Variants in YIF1B observed in about 807,000 individuals in gnomAD.
The protein encoded by YIF1B is protein YIF1B.
Under a neutral mutation model 34.6 loss-of-function variants are expected in YIF1B, and 24 were observed. That is an observed-to-expected ratio of 0.69 (90% CI 0.50 to 0.98). The LOEUF (loss-of-function observed/expected upper bound fraction) is 0.98, where lower values mean the gene tolerates loss of function less well. Ranked by LOEUF, YIF1B falls within the 50% of genes least tolerant of loss-of-function variation. The pLI, the probability that YIF1B is intolerant of heterozygous loss-of-function variation, is 0.00. For synonymous variants in YIF1B, 186 were observed against 184.8 expected (o/e 1.01, Z -0.05); for missense variants, 368 against 429.4 (o/e 0.86, Z 1.26).
At chr19:38,310,673 C>T (rs552547819) in intron 1 of YIF1B, among the ~76,000 whole-genome samples, 1 of 152,160 alleles carries the variant, frequency 6.6e-6, no homozygotes, top group Non-Finnish European at 1.5e-5. Flanking sequence ...TATGCTCCCC[C>T]TCAATGACTT....
chr19:38,306,740 T>C, intron 7 of YIF1B: 1 of 277,266 alleles, frequency 3.6e-6, no homozygotes, highest in Non-Finnish European at 7.1e-6. Context: ...GGAGCGCAGG[T>C]GTGCGATCTC....
At chr19:38,317,024 C>T (rs1969574474), upstream of YIF1B, 1 of 152,226 alleles carries the variant, frequency 6.6e-6, no homozygotes, top group African/African-American at 2.4e-5. Context: ...AACCAGGTGT[C>T]TCTCTTGGAA....
At position 38,303,579 on chromosome 19, in the gene YIF1B, CT is replaced by C. The variant is rs1968856603; in HGVS notation, c.*1772del. The stretch of plus-strand genomic sequence containing the variant: ...ACCATGACTGGCCTAAAACACCTAC[CT>C]TTTATTTTTTAAAAAACCAACACAT... On this transcript the variant is annotated 3_prime_UTR_variant, in exon 8 of 8. Transcript: ENST00000339413. 6.6e-6 allele frequency among the ~76,000 whole-genome samples: 1 copy of C among 152,136 alleles called. No homozygotes were observed. The highest frequency in any genetic ancestry group is 2.4e-5 in the African/African-American group (1 of 41,448).
chr19:38,307,217 C>T (rs1969089986), intron 7 of YIF1B: 3 of 591,478 alleles, frequency 5.1e-6, no homozygotes, highest in Non-Finnish European at 9.3e-6. Flanking sequence ...CAGCCTCTAG[C>T]AGCCTGGCTG....
In YIF1B at chr19:38,315,842, C is replaced by T; in HGVS notation, c.58+18G>A. ...CGCCACGCCCCCGCCCGCCCGATCT[C>T]CTCCGCCGGCCACGTACGCCACTTA... is the stretch of plus-strand genomic sequence containing the variant. On this transcript the variant is annotated intron_variant, in intron 1 of 7. Transcript: ENST00000339413. 2 of 1,505,542 alleles carry T rather than the reference C, an allele frequency of 1.3e-6. No individual in the cohort carries two copies. Among genetic ancestry groups the T allele is most frequent in the South Asian group, 1.2e-5 (1 of 80,518 alleles). 93.3% of individuals were successfully genotyped at this position (1,505,542 alleles called of 1,614,324 possible).
chr19:38,306,690 A>AT (rs961978206), intron 7 of YIF1B: 170 of 234,398 alleles, frequency 7.3e-4, no homozygotes, highest in South Asian at 1.5e-3. Flanking sequence ...TTTTATTTTT[A>AT]TTTTTTTTTG....
Position 38,305,293 on chromosome 19 carries a change from T to A in YIF1B, c.*59A>T, listed in dbSNP as rs1379081165. 6.4e-7 allele frequency: 1 copy of A among 1,564,348 alleles called. No individual in the cohort carries two copies. Among genetic ancestry groups the A allele is most frequent in the African/African-American group, 1.3e-5 (1 of 74,286 alleles). On this transcript the variant is annotated 3_prime_UTR_variant, in exon 8 of 8. Transcript: ENST00000339413. ...TGGGGCCTGCAGGCAGGAGATGAGT[T>A]CGGCGGCCACAGTGGCCCCCAGCAG... is the stretch of plus-strand genomic sequence containing the variant.
At chr19:38,319,709 G>A, upstream of YIF1B, 1 of 476,168 alleles carries the variant, frequency 2.1e-6, no homozygotes, top group Non-Finnish European at 3.7e-6. Context: ...GGTCTGCTGG[G>A]TCTGGGAGCA....
At chr19:38,308,950 G>A (rs2146302725) in intron 4 of YIF1B, 29 bp downstream of exon 4, 1 of 1,611,930 alleles carries the variant, frequency 6.2e-7, no homozygotes, top group Middle Eastern at 1.7e-4. Flanking sequence ...GAAGAGAGAG[G>A]AGGGTGCAGG....
chr19:38,306,077 C>G (rs1161230004), intron 7 of YIF1B, among the ~76,000 whole-genome samples: 1 of 151,886 alleles, frequency 6.6e-6, no homozygotes, highest in African/African-American at 2.4e-5. Flanking sequence ...TGGTGAGTGC[C>G]TGTAGTCCCT....
chr19:38,320,392 C>A, upstream of YIF1B: 1 of 1,113,120 alleles, frequency 9.0e-7, no homozygotes, highest in Non-Finnish European at 1.2e-6. Flanking sequence ...GGCTTCGGAT[C>A]CCCCGAAAAG....
rs781321062 is a variant in YIF1B at position 38,305,483 on chromosome 19, A to G, written c.814T>C (p.Leu272=). The G allele has an allele frequency of 6.2e-7, 1 of 1,606,314 alleles. No homozygotes were observed. The highest frequency in any genetic ancestry group is 8.5e-7 in the Non-Finnish European group (1 of 1,174,880). ...FMIRTLRLKI[L]ADAAAEGVPV... ...ACCCCCTCAGCTGCTGCGTCTGCCA[A>G]GATCTTCAGCCGCAGCGTCCGGATC... is the stretch of plus-strand genomic sequence containing the variant. The change falls in exon 8 of 8, where the codon TTG becomes CTG. Residue 272 remains leucine (L), a synonymous_variant. Coordinates refer to ENST00000339413, the MANE Select transcript of YIF1B (RefSeq NM_001039672.3).
rs539344599 is a variant in YIF1B at position 38,315,681 on chromosome 19, A to C, written c.58+179T>G. The C allele has an allele frequency of 5.0e-6, 8 of 1,600,124 alleles. No homozygotes were observed. In the South Asian group the frequency reaches 7.9e-5, roughly 16 times the overall value. ...TCCCAAGTTGTTTTCTTCTAAAGGA[A>C]TTTCCTAAAGAATCGCCCCCCAAGG... is the stretch of plus-strand genomic sequence containing the variant. On this transcript the variant is annotated intron_variant, in intron 1 of 7. Coordinates refer to ENST00000339413, the MANE Select transcript of YIF1B (RefSeq NM_001039672.3).
chr19:38,304,383 C>T lies in YIF1B; in HGVS notation c.*969G>A, dbSNP rs1036310233. 3.2e-6 allele frequency: 5 copies of T among 1,582,602 alleles called. No homozygotes were observed. In the Admixed American group the frequency reaches 5.6e-5, roughly 18 times the overall value. On this transcript the variant is annotated 3_prime_UTR_variant, in exon 8 of 8. Coordinates refer to ENST00000339413, the MANE Select transcript of YIF1B (RefSeq NM_001039672.3). Reference sequence around the variant, plus strand: ...CCAACTTCTCTCCACAGCCCTGGAGCCCACCTCCCAGAAGCCCGGTGTGGG... The same window carrying T: ...CCAACTTCTCTCCACAGCCCTGGAGTCCACCTCCCAGAAGCCCGGTGTGGG...
chr19:38,321,695 A>G (rs185097976), upstream of YIF1B, among the ~76,000 whole-genome samples: 23 of 152,358 alleles, frequency 1.5e-4, no homozygotes, highest in African/African-American at 5.0e-4. Flanking sequence ...AATAGGGGGC[A>G]GCTTTTGCTT....
upstream of YIF1B, chr19:38,320,034 G>A: frequency 6.7e-7 from 1 of 1,498,330 alleles, no homozygotes. Flanking sequence ...TGGCGCGGCT[G>A]GAGGGGCCGC....
intron 1 of YIF1B, among the ~76,000 whole-genome samples, chr19:38,312,080 G>C (rs553201979): frequency 2.6e-5 from 4 of 152,122 alleles, no homozygotes; most frequent in African/African-American, 7.2e-5. Flanking sequence ...TCCAGCCTGG[G>C]CTACAGAGCG....
rs76304131 is a variant in YIF1B at position 38,307,768 on chromosome 19, C to A, written c.540-16G>T. 8.7e-6 allele frequency: 14 copies of A among 1,610,936 alleles called. No individual in the cohort carries two copies. Among genetic ancestry groups the A allele is most frequent in the African/African-American group, 1.3e-5 (1 of 74,998 alleles). On this transcript the variant is annotated splice_polypyrimidine_tract_variant and intron_variant, in intron 5 of 7. Coordinates refer to ENST00000339413, the MANE Select transcript of YIF1B (RefSeq NM_001039672.3). ...TGGGGAGAACCTGCAGGCACAAAGC[C>A]CCGCCACTTGGTTGGCTGGTTCAGA...
chr19:38,310,954 AT>A (rs1277594593), intron 1 of YIF1B, among the ~76,000 whole-genome samples: 1 of 151,914 alleles, frequency 6.6e-6, no homozygotes, highest in Non-Finnish European at 1.5e-5. Flanking sequence ...TGGCTGTCTT[AT>A]TTTGTTCACT....
Sources: allele counts gnomAD v4.1 joint callset (sites outside exome capture counted in the v4.1 genomes callset), GRCh38; gene constraint gnomAD v4.1.1; transcripts MANE v1.5; gene names NCBI Gene and HGNC (gene_info 2026-07-23, HGNC 2026-07-21).